Variants in TTLL5 observed in about 807,000 individuals in gnomAD.
TTLL5 encodes tubulin polyglutamylase TTLL5.
In TTLL5, 132 loss-of-function variants were observed where a neutral mutation model predicts 168.4. The observed-to-expected ratio is 0.78, with a 90% confidence interval of 0.68 to 0.91. The LOEUF (loss-of-function observed/expected upper bound fraction) is 0.91. TTLL5 is among the 40% of genes least tolerant of loss of function. The pLI, the probability that TTLL5 is intolerant of heterozygous loss-of-function variation, is 0.00. For synonymous variants in TTLL5, 546 were observed against 558.6 expected (o/e 0.98, Z 0.32); for missense variants, 1,545 against 1,581.5 (o/e 0.98, Z 0.39).
chr14:75,895,482 A>G (rs548633005), intron 30 of TTLL5, among the ~76,000 whole-genome samples: 2 of 152,316 alleles, frequency 1.3e-5, no homozygotes, highest in African/African-American at 2.4e-5. Flanking sequence ...ACACTCTTCA[A>G]CCACAAAGCA....
chr14:75,895,734 G>GTGAGTTAA (rs1292238037), intron 30 of TTLL5, among the ~76,000 whole-genome samples: 9 of 152,128 alleles, frequency 5.9e-5, no homozygotes, highest in African/African-American at 1.7e-4. Flanking sequence ...TTAAAAATAA[G>GTGAGTTAA]TGAGTTAATT....
intron 3 of TTLL5, among the ~76,000 whole-genome samples, chr14:75,673,641 T>G (rs752461194): frequency 6.6e-6 from 1 of 152,244 alleles, no homozygotes; most frequent in Non-Finnish European, 1.5e-5. Context: ...CATGAGCTCA[T>G]TTAATGTCCG....
intron 24 of TTLL5, among the ~76,000 whole-genome samples, chr14:75,780,558 G>A (rs1264373875): frequency 6.6e-6 from 1 of 152,146 alleles, no homozygotes; most frequent in African/African-American, 2.4e-5. Flanking sequence ...CTAAGGCATA[G>A]GTAATCAACC....
intron 12 of TTLL5, among the ~76,000 whole-genome samples, chr14:75,731,083 C>T (rs1329412685): frequency 2.6e-5 from 4 of 152,020 alleles, no homozygotes; most frequent in South Asian, 4.1e-4. Context: ...AGAGTTTTGG[C>T]GGCCATCTTT....
intron 31 of TTLL5, among the ~76,000 whole-genome samples, chr14:75,912,278 G>A (rs1265920869): frequency 1.3e-5 from 2 of 152,094 alleles, no homozygotes; most frequent in East Asian, 3.9e-4. Flanking sequence ...CTCTCTCCCA[G>A]GCCTTAACTG....
At chr14:75,747,707 A>G (rs1204858996) in intron 17 of TTLL5, among the ~76,000 whole-genome samples, 5 of 152,250 alleles carry the variant, frequency 3.3e-5, no homozygotes, top group Admixed American at 6.5e-5. Flanking sequence ...TCCACGTTCA[A>G]TGAGATCTTT....
intron 18 of TTLL5, among the ~76,000 whole-genome samples, chr14:75,755,089 A>AC (rs1309359637): frequency 6.6e-6 from 1 of 151,954 alleles, no homozygotes; most frequent in Non-Finnish European, 1.5e-5. Flanking sequence ...ACATGGAGAA[A>AC]CCCCATCTCT....
At chr14:75,729,394 A>G (rs2140226817) in intron 12 of TTLL5, among the ~76,000 whole-genome samples, 1 of 151,794 alleles carries the variant, frequency 6.6e-6, no homozygotes, top group East Asian at 1.9e-4. Context: ...AGCACAACCT[A>G]CTCTTTACCT....
chr14:75,867,484 G>A (rs931803125), intron 29 of TTLL5, among the ~76,000 whole-genome samples: 11 of 152,118 alleles, frequency 7.2e-5, no homozygotes, highest in East Asian at 5.8e-4. Flanking sequence ...TTTCAGGGCC[G>A]GGCGTGGTGG....
At chr14:75,869,471 CTGTG>C (rs2030829132) in intron 29 of TTLL5, among the ~76,000 whole-genome samples, 1 of 152,000 alleles carries the variant, frequency 6.6e-6, no homozygotes, top group African/African-American at 2.4e-5. Context: ...TGATATATAC[CTGTG>C]TATTATCATG....
intron 30 of TTLL5, chr14:75,886,598 C>A: frequency 7.6e-7 from 1 of 1,315,622 alleles, no homozygotes; most frequent in Non-Finnish European, 1.1e-6. Flanking sequence ...TTTGTCAGTT[C>A]TGTGAAGGGA....
intron 31 of TTLL5, among the ~76,000 whole-genome samples, chr14:75,908,375 A>G (rs2140104512): frequency 1.8e-5 from 1 of 54,848 alleles, no homozygotes; most frequent in Admixed American, 2.3e-4. Flanking sequence ...GCAGAACCCC[A>G]CAGGCCTCAG....
chr14:75,735,306 G>A lies in TTLL5; in HGVS notation c.1281+17G>A. ...AAACCTCAGGTAAGCCAATTCCACA[G>A]CAGGGAGCCTGAAGGAGGCTTACTG... On this transcript the variant is annotated intron_variant, in intron 15 of 31. Coordinates refer to ENST00000298832, the MANE Select transcript of TTLL5 (RefSeq NM_015072.5). The A allele has an allele frequency of 6.2e-7, 1 of 1,613,022 alleles. No individual in the cohort carries two copies. The highest frequency in any genetic ancestry group is 8.5e-7 in the Non-Finnish European group (1 of 1,178,966).
intron 18 of TTLL5, among the ~76,000 whole-genome samples, chr14:75,756,962 TTTG>T (rs138625752): frequency 8.9e-4 from 134 of 150,616 alleles, no homozygotes; most frequent in Non-Finnish European, 1.7e-3. Flanking sequence ...CAATAGAGGT[TTTG>T]TTGTTGTTGT....
intron 28 of TTLL5, among the ~76,000 whole-genome samples, chr14:75,831,598 C>T (rs551725468): frequency 3.3e-5 from 5 of 152,204 alleles, no homozygotes; most frequent in East Asian, 3.9e-4. Context: ...GCCAAACATG[C>T]GGAAGTGGTT....
At chr14:75,853,657 AAG>A (rs949834809) in intron 28 of TTLL5, among the ~76,000 whole-genome samples, 1 of 152,226 alleles carries the variant, frequency 6.6e-6, no homozygotes, top group African/African-American at 2.4e-5. Flanking sequence ...AAATAATAAC[AAG>A]AGTTTTAATG....
At chr14:75,806,356 A>C (rs572669974) in intron 27 of TTLL5, among the ~76,000 whole-genome samples, 3 of 152,178 alleles carry the variant, frequency 2.0e-5, no homozygotes, top group African/African-American at 7.2e-5. Flanking sequence ...CTAAATCACA[A>C]GTCTCATCAT....
chr14:75,926,085 GGGGAGAGGGAGA>G lies in TTLL5; in HGVS notation c.3823+23880_3823+23891del, dbSNP rs377178355. ...CCGTGGGCCGTGGGCCGTGGGCCGT[GGGGAGAGGGAGA>G]GGGAGAGGGAGAGGGAGAACTTGTC... is the stretch of plus-strand genomic sequence containing the variant. On this transcript the variant is annotated intron_variant, in intron 31 of 31. Coordinates refer to ENST00000298832, the MANE Select transcript of TTLL5 (RefSeq NM_015072.5). Among the ~76,000 whole-genome samples the G allele has an allele frequency of 5.3e-3, 791 of 148,784 alleles. 12 individuals are homozygous for G. The highest frequency in any genetic ancestry group is 0.018 in the African/African-American group (711 of 38,756).
At chr14:75,710,542 C>A (rs1456400850) in intron 9 of TTLL5, 1 of 152,032 alleles carries the variant, frequency 6.6e-6, no homozygotes, top group Non-Finnish European at 1.5e-5. Flanking sequence ...GTTAGGTTTA[C>A]CTGAAAGTGT....
Sources: allele counts gnomAD v4.1 joint callset (sites outside exome capture counted in the v4.1 genomes callset), GRCh38; gene constraint gnomAD v4.1.1; transcripts MANE v1.5; gene names NCBI Gene and HGNC (gene_info 2026-07-23, HGNC 2026-07-21).